The following XKR9 variants were observed in gnomAD, a reference collection of about 807,000 sequenced individuals.
XKR9 encodes the protein XK-related protein 9.
In XKR9, 32 loss-of-function variants were observed where a neutral mutation model predicts 32.0. That is an observed-to-expected ratio of 1.00 (90% CI 0.76 to 1.34). XKR9 has a LOEUF of 1.34. Among genes scored for constraint, XKR9 ranks in the 40% most tolerant of loss-of-function variants. The probability of loss-of-function intolerance (pLI) is 0.00; values close to 1 mark genes in which losing one functional copy is unlikely to be tolerated. For synonymous variants in XKR9, 168 were observed against 143.4 expected, an observed-to-expected ratio of 1.17 and a Z score of -1.22; for missense variants, 546 against 429.7, an observed-to-expected ratio of 1.27 and a Z score of -2.39.
At chr8:70,754,909 A>AAAC (rs1161490493) in intron 2 of XKR9, among the ~76,000 whole-genome samples, 53 of 152,310 alleles carry the variant, frequency 3.5e-4, no homozygotes, top group South Asian at 3.3e-3. Context: ...CAAAATTGAC[A>AAAC]ATTGGGATCT....
the XKR9 span, among the ~76,000 whole-genome samples, chr8:71,055,582 G>C: frequency 1.3e-5 from 2 of 152,128 alleles, no homozygotes; most frequent in Non-Finnish European, 2.9e-5. Flanking sequence ...GAAAACCTAA[G>C]AGAAATAAAA....
the XKR9 span, among the ~76,000 whole-genome samples, chr8:70,959,037 G>T: frequency 9.2e-5 from 14 of 151,886 alleles, no homozygotes; most frequent in South Asian, 6.3e-4. Flanking sequence ...ATATAGGGTC[G>T]AATTATCCTT....
the XKR9 span, among the ~76,000 whole-genome samples, chr8:71,019,784 G>A: frequency 2.6e-5 from 4 of 152,124 alleles, no homozygotes; most frequent in East Asian, 7.7e-4. Flanking sequence ...AAGCAGAAAA[G>A]GGCTATAAAA....
chr8:70,857,031 A>G, the XKR9 span, among the ~76,000 whole-genome samples: 1 of 152,346 alleles, frequency 6.6e-6, no homozygotes, highest in East Asian at 1.9e-4. Context: ...GGAAAGATCT[A>G]AAATTAATAC....
the XKR9 span, among the ~76,000 whole-genome samples, chr8:70,990,155 T>C: frequency 1.3e-5 from 2 of 152,232 alleles, no homozygotes; most frequent in African/African-American, 4.8e-5. Context: ...ACCTGCCTAG[T>C]TTCTCTCATG....
the XKR9 span, among the ~76,000 whole-genome samples, chr8:70,806,436 T>G: frequency 6.6e-6 from 1 of 152,224 alleles, no homozygotes; most frequent in Middle Eastern, 3.4e-3. Context: ...TAGACAGAAG[T>G]AGGCCTGAAA....
At chr8:70,797,042 G>T in the XKR9 span, among the ~76,000 whole-genome samples, 1 of 152,144 alleles carries the variant, frequency 6.6e-6, no homozygotes, top group Non-Finnish European at 1.5e-5. Context: ...TCCATTTATT[G>T]GGTTCAAATA....
the XKR9 span, among the ~76,000 whole-genome samples, chr8:70,853,741 T>C: frequency 6.6e-6 from 1 of 152,140 alleles, no homozygotes; most frequent in Non-Finnish European, 1.5e-5. Context: ...TGTGTTCTCA[T>C]TGTTCAATTC....
chr8:70,875,429 G>A, the XKR9 span, among the ~76,000 whole-genome samples: 1 of 152,144 alleles, frequency 6.6e-6, no homozygotes, highest in African/African-American at 2.4e-5. Context: ...CACATATTTT[G>A]TGTTCTCTTC....
At chr8:70,822,207 T>C in the XKR9 span, among the ~76,000 whole-genome samples, 48,511 of 152,002 alleles carry the variant, frequency 0.32, 9,111 homozygotes, top group Non-Finnish European at 0.43. Context: ...TGATTAAAAG[T>C]CAGTTTAATT....
At chr8:70,867,176 A>G in the XKR9 span, among the ~76,000 whole-genome samples, 1,111 of 152,324 alleles carry the variant, frequency 7.3e-3, 9 homozygotes, top group East Asian at 0.03. Flanking sequence ...CAGCAGGCAA[A>G]GAGAAGAGAG....
chr8:70,879,445 A>C, the XKR9 span, among the ~76,000 whole-genome samples: 1 of 152,188 alleles, frequency 6.6e-6, no homozygotes, highest in Non-Finnish European at 1.5e-5. Context: ...AGAAGAATCA[A>C]ATAGACAAAA....
chr8:70,997,841 A>C, the XKR9 span, among the ~76,000 whole-genome samples: 1 of 152,228 alleles, frequency 6.6e-6, no homozygotes, highest in Non-Finnish European at 1.5e-5. Flanking sequence ...AGGAAAAAAA[A>C]TATTAACTTT....
chr8:70,895,465 G>A, the XKR9 span, among the ~76,000 whole-genome samples: 862 of 152,104 alleles, frequency 5.7e-3, 9 homozygotes, highest in African/African-American at 0.02. Context: ...TAGTTCCTTT[G>A]CCCTAAATAT....
At chr8:71,009,986 G>C in the XKR9 span, among the ~76,000 whole-genome samples, 1 of 152,198 alleles carries the variant, frequency 6.6e-6, no homozygotes, top group African/African-American at 2.4e-5. Context: ...AGAGTGAAAA[G>C]TACGGCATCA....
rs999564016 is a variant in XKR9 at position 70,781,934 on chromosome 8, T to C, written n.353-7405T>C. Among the ~76,000 whole-genome samples, 8 of 152,196 alleles carry C rather than the reference T, an allele frequency of 5.3e-5. No homozygotes were observed. The East Asian group carries it at 5.8e-4, about 11-fold the overall frequency. On this transcript the variant is annotated intron_variant and non_coding_transcript_variant, in intron 2 of 3. Coordinates refer to the XKR9 transcript ENST00000520273. Reference sequence around the variant, plus strand: ...TGTGTTCTATGATTTACACTATGGATTTAGGAAAACAAAGAAAAGCCCTTG... The same window carrying C: ...TGTGTTCTATGATTTACACTATGGACTTAGGAAAACAAAGAAAAGCCCTTG...
At chr8:70,787,666 G>A (rs1258955265) in intron 2 of XKR9, among the ~76,000 whole-genome samples, 6 of 152,020 alleles carry the variant, frequency 3.9e-5, no homozygotes, top group Non-Finnish European at 8.8e-5. Flanking sequence ...CCATGGCTGT[G>A]GTCCATTTTA....
chr8:70,920,920 G>A, the XKR9 span, among the ~76,000 whole-genome samples: 15 of 152,108 alleles, frequency 9.9e-5, no homozygotes, highest in Admixed American at 2.0e-4. Context: ...AGACAAACCC[G>A]GGAAACCATG....
At chr8:70,942,659 T>A in the XKR9 span, among the ~76,000 whole-genome samples, 1 of 152,164 alleles carries the variant, frequency 6.6e-6, no homozygotes, top group African/African-American at 2.4e-5. Context: ...TTATTGACCA[T>A]GTAACCTGAG....
Sources: gnomAD v4.1 joint callset for allele counts (sites outside exome capture counted in the v4.1 genomes callset) on GRCh38, gnomAD v4.1.1 for gene constraint, MANE v1.5 for transcripts, NCBI Gene and HGNC (gene_info 2026-07-23, HGNC 2026-07-21) for gene names.